Variants in FBXW8 observed in about 807,000 individuals in gnomAD.
FBXW8 encodes the protein F-box/WD repeat-containing protein 8.
A neutral mutation model predicts 65.3 loss-of-function variants in FBXW8; 57 were observed. The ratio of observed to expected loss-of-function variants is 0.87; its 90% CI spans 0.71 to 1.09. The LOEUF is 1.09. Ranked by LOEUF, FBXW8 falls within the 50% of genes least tolerant of loss-of-function variation. The pLI, the probability that FBXW8 is intolerant of heterozygous loss-of-function variation, is 0.00. For synonymous variants in FBXW8, 308 were observed against 330.2 expected (o/e 0.93, Z 0.73); for missense variants, 777 against 814.8 (o/e 0.95, Z 0.57).
chr12:116,953,289 C>A (rs1883402679), intron 4 of FBXW8, among the ~76,000 whole-genome samples: 1 of 152,038 alleles, frequency 6.6e-6, no homozygotes, highest in Non-Finnish European at 1.5e-5. Flanking sequence ...CCTCATCTTG[C>A]TTGAGGTGGC....
At position 116,911,032 on chromosome 12, in the gene FBXW8, G is replaced by C. The variant is rs967725266; in HGVS notation, c.-6G>C. On this transcript the variant is annotated 5_prime_UTR_variant, in exon 1 of 11. Coordinates refer to ENST00000652555, the MANE Select transcript of FBXW8 (RefSeq NM_153348.3). ...AGGAGAACGTGGAGCGCCGGGAGCG[G>C]CGAATATGGACGACTACAGCCTGGA... 1.7e-5 allele frequency: 24 copies of C among 1,416,316 alleles called. No individual in the cohort carries two copies. The highest frequency in any genetic ancestry group is 2.1e-5 in the Non-Finnish European group (23 of 1,089,572). The allele number at this position is 1,416,316 out of a possible 1,614,324, so 87.7% of individuals were successfully genotyped here.
intron 2 of FBXW8, among the ~76,000 whole-genome samples, chr12:116,941,102 G>A (rs1229523623): frequency 6.6e-6 from 1 of 152,220 alleles, no homozygotes; most frequent in Non-Finnish European, 1.5e-5. Context: ...GAGTTTTCTA[G>A]ACAGTGGAAG....
intron 2 of FBXW8, among the ~76,000 whole-genome samples, chr12:116,939,037 T>C (rs974536388): frequency 1.3e-5 from 2 of 152,146 alleles, no homozygotes; most frequent in African/African-American, 4.8e-5. Flanking sequence ...CCAAAACATA[T>C]CTTAACTGAT....
At chr12:116,984,442 AGT>A in intron 5 of FBXW8, among the ~76,000 whole-genome samples, 1 of 152,350 alleles carries the variant, frequency 6.6e-6, no homozygotes, top group East Asian at 1.9e-4. Context: ...ATTTTTGGCA[AGT>A]GTGGGATATT....
chr12:116,922,105 C>T (rs1593039878), intron 1 of FBXW8, among the ~76,000 whole-genome samples: 1 of 152,142 alleles, frequency 6.6e-6, no homozygotes. Flanking sequence ...GTTGGGATTA[C>T]AGATATGAGC....
At chr12:116,990,053 G>A (rs1953198553) in intron 7 of FBXW8, among the ~76,000 whole-genome samples, 1 of 152,092 alleles carries the variant, frequency 6.6e-6, no homozygotes, top group African/African-American at 2.4e-5. Context: ...CTTCCTCCAT[G>A]TATTTGACCT....
In FBXW8 at chr12:116,945,492, C is replaced by T; in HGVS notation, c.552C>T (p.Cys184=). The part of the protein sequence containing the change: ...YSCWKLIFQE[C]RAKEHMLRTN... ...GCTGGAAGCTCATCTTCCAAGAGTG[C>T]CGAGCCAAGGAACACATGTTACGAA... Residue 184 remains cysteine, a synonymous_variant, in exon 3 of 11, where the codon TGC becomes TGT. Transcript: ENST00000652555. 1 of 1,614,060 alleles carries T rather than the reference C, an allele frequency of 6.2e-7. No individual in the cohort carries two copies.
In FBXW8 at chr12:116,964,471, T is replaced by A. The variant is rs558857501; in HGVS notation, c.678-226T>A. On this transcript the variant is annotated intron_variant, in intron 4 of 10. Transcript: ENST00000652555. ...CATGTCTTATTATTGTTTTCTCATT[T>A]GAAATTGTCACCATTGTGCTGTGAG... Among the ~76,000 whole-genome samples the A allele has an allele frequency of 5.9e-5, 9 of 152,368 alleles. No individual in the cohort carries two copies. The East Asian group carries it at 1.7e-3, about 29-fold the overall frequency.
chr12:116,939,276 A>C (rs1363033602), intron 2 of FBXW8, among the ~76,000 whole-genome samples: 1 of 152,186 alleles, frequency 6.6e-6, no homozygotes, highest in Non-Finnish European at 1.5e-5. Flanking sequence ...GGGATTTGGG[A>C]GACTCAGTCA....
chr12:117,003,306 G>A (rs564637372), intron 7 of FBXW8, among the ~76,000 whole-genome samples: 9 of 152,296 alleles, frequency 5.9e-5, no homozygotes, highest in Admixed American at 3.9e-4. Context: ...CCTCCTATGT[G>A]CCAAACACTG....
rs1441645894 is a variant in FBXW8, at chr12:117,031,105, T to C, written c.*2933T>C. ...AACACTGTCGGACTTGCTTTCTGCT[T>C]TATGATGTCCGTAGTTGTTCTAATA... is the stretch of plus-strand genomic sequence containing the variant. On this transcript the variant is annotated 3_prime_UTR_variant, in exon 11 of 11. Transcript: ENST00000652555. 6.6e-6 allele frequency: 1 copy of C among 152,218 alleles called. No individual in the cohort carries two copies. The highest frequency in any genetic ancestry group is 2.1e-4 in the South Asian group (1 of 4,830). 9.4% of individuals were successfully genotyped at this position (152,218 alleles called of 1,614,324 possible). A position where few individuals can be genotyped will look rare whatever the true frequency, so the allele number is the denominator to read the frequency against.
chr12:116,926,426 G>A (rs573786591), intron 1 of FBXW8, among the ~76,000 whole-genome samples: 4 of 152,298 alleles, frequency 2.6e-5, no homozygotes, highest in Admixed American at 2.6e-4. Flanking sequence ...AAGTTTCTTC[G>A]TGAGTGTGGC....
intron 1 of FBXW8, among the ~76,000 whole-genome samples, chr12:116,918,859 CACTA>C (rs954909973): frequency 3.3e-5 from 5 of 152,106 alleles, no homozygotes; most frequent in South Asian, 2.1e-4. Flanking sequence ...TGTGACGCAG[CACTA>C]ACTGAGAATA....
At position 116,911,193 on chromosome 12, in the gene FBXW8, C is replaced by T; in HGVS notation, c.156C>T (p.Asp52=). ...GSGRGEQASG[D]PALAQRLLEG... ...GGCGCGGCGAACAGGCCTCGGGGGA[C>T]CCGGCGCTGGCCCAGCGTCTCCTGG... is the stretch of plus-strand genomic sequence containing the variant. Residue 52 remains aspartate (D), a synonymous_variant, in exon 1 of 11, where the codon GAC becomes GAT. Transcript: ENST00000652555. 7.8e-7 allele frequency: 1 copy of T among 1,287,320 alleles called. No individual in the cohort carries two copies. The highest frequency in any genetic ancestry group is 9.8e-7 in the Non-Finnish European group (1 of 1,023,060). The allele number at this position is 1,287,320 out of a possible 1,614,324, so 79.7% of individuals were successfully genotyped here. A position where few individuals can be genotyped will look rare whatever the true frequency, so the allele number is the denominator to read the frequency against.
chr12:116,975,302 T>C (rs1884858649), intron 5 of FBXW8, among the ~76,000 whole-genome samples: 1 of 152,206 alleles, frequency 6.6e-6, no homozygotes. Flanking sequence ...AGAAGTATAT[T>C]TCTGACATTT....
chr12:116,989,323 C>A lies in FBXW8; in HGVS notation c.1239+454C>A, dbSNP rs904661972. On this transcript the variant is annotated intron_variant, in intron 7 of 10. Coordinates refer to ENST00000652555, the MANE Select transcript of FBXW8 (RefSeq NM_153348.3). ...ATAGCCTGTTTAGCCAGGCCCCTCACTGGTAGGTGTTTAGCTTGCTTTCAC... is the reference window on the plus strand; with the variant it reads ...ATAGCCTGTTTAGCCAGGCCCCTCAATGGTAGGTGTTTAGCTTGCTTTCAC... 2.0e-5 allele frequency among the ~76,000 whole-genome samples: 3 copies of A among 152,226 alleles called. No individual in the cohort carries two copies. In the South Asian group the frequency reaches 6.2e-4, roughly 32 times the overall value.
In FBXW8 at chr12:116,945,451, A is replaced by G. The variant is rs1164245228; in HGVS notation, c.511A>G (p.Ile171Val). The stretch of plus-strand genomic sequence containing the variant: ...GGAAGGGCACCTTCCGGATAGCAGC[A>G]TCTCTGACTATTCTTGCTGGAAGCT... ...QQEGHLPDSS[I>V]SDYSCWKLIF... The change falls in exon 3 of 11, where the codon ATC becomes GTC. Residue 171 changes from isoleucine to valine, a missense_variant. Ile to Val is a conservative substitution (Grantham distance 29). Coordinates refer to ENST00000652555, the MANE Select transcript of FBXW8 (RefSeq NM_153348.3). 3.1e-6 allele frequency: 5 copies of G among 1,614,088 alleles called. No individual in the cohort carries two copies. Among genetic ancestry groups the G allele is most frequent in the South Asian group, 1.1e-5 (1 of 91,084 alleles).
chr12:116,977,930 T>C (rs1203582793), intron 5 of FBXW8: 1 of 152,282 alleles, frequency 6.6e-6, no homozygotes, highest in African/African-American at 2.4e-5. Context: ...GCTTTGAATT[T>C]GAGAGCTACT....
chr12:116,923,192 C>T (rs748614891), intron 1 of FBXW8, among the ~76,000 whole-genome samples: 7 of 151,798 alleles, frequency 4.6e-5, no homozygotes, highest in Admixed American at 1.3e-4. Context: ...GGCGACAGAG[C>T]GAGACTCTGT....
Sources: allele counts gnomAD v4.1 joint callset (sites outside exome capture counted in the v4.1 genomes callset), GRCh38; gene constraint gnomAD v4.1.1; transcripts MANE v1.5; gene names NCBI Gene and HGNC (gene_info 2026-07-23, HGNC 2026-07-21).